Variants in GPCPD1 observed in about 807,000 individuals in gnomAD.
The protein encoded by GPCPD1 is glycerophosphocholine phosphodiesterase 1.
In GPCPD1, 29 loss-of-function variants were observed where a neutral mutation model predicts 89.2. The observed-to-expected ratio is 0.33, with a 90% CI of 0.24 to 0.44. The LOEUF (loss-of-function observed/expected upper bound fraction) is 0.44. Among genes scored for constraint, GPCPD1 ranks in the 20% least tolerant of loss-of-function variants. GPCPD1 has a pLI of 1.00. For missense variants in GPCPD1, 594 were observed against 808.9 expected (o/e 0.73, Z 3.22); for synonymous variants, 258 against 266.3 (o/e 0.97, Z 0.30).
At chr20:5,549,656 G>T (rs544792559) in intron 19 of GPCPD1, among the ~76,000 whole-genome samples, 1 of 150,908 alleles carries the variant, frequency 6.6e-6, no homozygotes, top group Admixed American at 6.6e-5. Flanking sequence ...ACTGAGGTGG[G>T]AGGACTGGAA....
At chr20:5,610,432 C>G in intron 1 of GPCPD1, among the ~76,000 whole-genome samples, 1 of 152,004 alleles carries the variant, frequency 6.6e-6, no homozygotes, top group East Asian at 1.9e-4. Flanking sequence ...GGCGGTGAGC[C>G]GGGGGCCGCT....
intron 17 of GPCPD1, 82 bp downstream of exon 17, chr20:5,559,858 A>C (rs1199086891): frequency 1.0e-5 from 7 of 691,078 alleles, no homozygotes; most frequent in Non-Finnish European, 1.6e-5. Context: ...GGAAAGCTGG[A>C]CAACTACCCC....
In GPCPD1 at chr20:5,604,616, G is replaced by GA. The variant is rs1555810992; in HGVS notation, c.-28-177_-28-176insT. On this transcript the variant is annotated intron_variant, in intron 1 of 19. Coordinates refer to ENST00000379019, the MANE Select transcript of GPCPD1 (RefSeq NM_019593.5). ...GTTTTAAAGTAACTTTAGTGCGGGG[G>GA]GGGGGGGGCGGGAAAGAAACAAGTG... Among the ~76,000 whole-genome samples, 264 of 66,742 alleles carry GA rather than the reference G, an allele frequency of 4.0e-3. 29 individuals carry two copies. The highest frequency in any genetic ancestry group is 0.019 in the African/African-American group (253 of 13,346). The allele number at this position is 66,742 out of a possible 152,430, so 43.8% of individuals were successfully genotyped here. A position where few individuals can be genotyped will look rare whatever the true frequency, so the allele number is the denominator to read the frequency against.
At chr20:5,574,227 T>G in intron 10 of GPCPD1, 2 of 447,772 alleles carry the variant, frequency 4.5e-6, no homozygotes, top group Non-Finnish European at 8.0e-6. Context: ...ACCATGGACT[T>G]TTTTCTTGGA....
intron 4 of GPCPD1, among the ~76,000 whole-genome samples, chr20:5,591,385 T>C (rs2122745629): frequency 6.6e-6 from 1 of 152,334 alleles, no homozygotes; most frequent in East Asian, 1.9e-4. Context: ...TAAAAATCTG[T>C]AGTTCAAACC....
chr20:5,564,979 T>TA (rs1568650495), intron 15 of GPCPD1, 38 bp downstream of exon 15: 1 of 970,100 alleles, frequency 1.0e-6, no homozygotes, highest in South Asian at 1.3e-5. Flanking sequence ...ATGACAAAGT[T>TA]AATGATAGCC....
chr20:5,606,004 G>A (rs1980556878), intron 1 of GPCPD1, among the ~76,000 whole-genome samples: 1 of 151,956 alleles, frequency 6.6e-6, no homozygotes, highest in Non-Finnish European at 1.5e-5. Flanking sequence ...AGGAATTTAA[G>A]GAGATTAAAA....
chr20:5,568,263 AC>A (rs1986515161), intron 12 of GPCPD1, among the ~76,000 whole-genome samples: 2 of 149,488 alleles, frequency 1.3e-5, no homozygotes, highest in Admixed American at 6.7e-5. Flanking sequence ...ATATATATAT[AC>A]TAAAATCCAT....
At chr20:5,599,514 A>T (rs951633808) in intron 2 of GPCPD1, among the ~76,000 whole-genome samples, 1 of 152,186 alleles carries the variant, frequency 6.6e-6, no homozygotes, top group Admixed American at 6.5e-5. Flanking sequence ...AAATGTAATT[A>T]AAAACCCATC....
chr20:5,607,274 G>A (rs112852775), intron 1 of GPCPD1, among the ~76,000 whole-genome samples: 5,003 of 151,742 alleles, frequency 0.033, 189 homozygotes, highest in East Asian at 0.16. Flanking sequence ...GCAACACAGC[G>A]AGACTCTATC....
chr20:5,559,885 C>T (rs2122576150), intron 17 of GPCPD1, 55 bp downstream of exon 17: 2 of 992,304 alleles, frequency 2.0e-6, no homozygotes, highest in Non-Finnish European at 2.9e-6. Flanking sequence ...AGACTGCTGC[C>T]TTAAGTCCTA....
At chr20:5,555,425 G>C (rs1985701155) in intron 19 of GPCPD1, among the ~76,000 whole-genome samples, 1 of 152,232 alleles carries the variant, frequency 6.6e-6, no homozygotes, top group South Asian at 2.1e-4. Flanking sequence ...TGCAGTCCCA[G>C]CTACTCGGGA....
At position 5,560,088 on chromosome 20, in the gene GPCPD1, G is replaced by C; in HGVS notation, c.1396-12C>G. On this transcript the variant is annotated splice_polypyrimidine_tract_variant and intron_variant, in intron 16 of 19. Transcript: ENST00000379019. ...TCCCACATTCCATCCTAGTGAAAGA[G>C]AAAGCAAAATAAAAGTCACTGCACA... 6.6e-7 allele frequency: 1 copy of C among 1,513,110 alleles called. No homozygotes were observed. The highest frequency in any genetic ancestry group is 8.8e-7 in the Non-Finnish European group (1 of 1,133,176). 93.7% of individuals were successfully genotyped at this position (1,513,110 alleles called of 1,614,324 possible).
chr20:5,547,877 T>G (rs376485328), intron 19 of GPCPD1, 27 bp from the exon 20 acceptor site: 7 of 1,267,216 alleles, frequency 5.5e-6, no homozygotes, highest in Middle Eastern at 1.9e-4. Context: ...ACAAAACACA[T>G]AAAATACTGT....
chr20:5,576,141 C>T (rs1978288204), intron 8 of GPCPD1, among the ~76,000 whole-genome samples, 163 bp from the exon 9 acceptor site: 2 of 151,302 alleles, frequency 1.3e-5, no homozygotes, highest in African/African-American at 4.9e-5. Context: ...GTATTTTCGG[C>T]CGGGGTCAGT....
At chr20:5,577,780 A>T (rs1978299476) in intron 8 of GPCPD1, among the ~76,000 whole-genome samples, 1 of 152,194 alleles carries the variant, frequency 6.6e-6, no homozygotes, top group South Asian at 2.1e-4. Context: ...GGCCCACAGC[A>T]GTAAGGACCT....
chr20:5,598,175 C>CA lies in GPCPD1; in HGVS notation c.146+549dup, dbSNP rs199711171. Among the ~76,000 whole-genome samples the CA allele has an allele frequency of 1.7e-3, 255 of 148,674 alleles. 1 individual carries two copies. The highest frequency in any genetic ancestry group is 8.4e-3 in the South Asian group (39 of 4,662). On this transcript the variant is annotated intron_variant, in intron 3 of 19. Transcript: ENST00000379019. ...ACATAACCAGACACCACCTTTGTGC[C>CA]AAAAAAAACCCCAAAAAACAAACAA...
intron 3 of GPCPD1, among the ~76,000 whole-genome samples, chr20:5,596,518 T>C (rs1979742472): frequency 6.6e-6 from 1 of 152,222 alleles, no homozygotes; most frequent in South Asian, 2.1e-4. Context: ...TAATTCTGAA[T>C]TGCCCTTATA....
chr20:5,598,310 G>C (rs2122779550), intron 3 of GPCPD1, among the ~76,000 whole-genome samples: 1 of 152,234 alleles, frequency 6.6e-6, no homozygotes. Flanking sequence ...GGAGGCTGAG[G>C]CGCAAGGATC....
Sources: allele counts gnomAD v4.1 joint callset (sites outside exome capture counted in the v4.1 genomes callset), GRCh38; gene constraint gnomAD v4.1.1; transcripts MANE v1.5; gene names NCBI Gene and HGNC (gene_info 2026-07-23, HGNC 2026-07-21).